The following NFATC1 variants were observed in gnomAD, a reference collection of about 807,000 sequenced individuals.
NFATC1 encodes the protein nuclear factor of activated T cells 1.
In NFATC1, 22 loss-of-function variants were observed where a neutral mutation model predicts 76.0. The observed-to-expected ratio is 0.29, with a 90% CI of 0.21 to 0.41. The LOEUF (loss-of-function observed/expected upper bound fraction) is 0.41. NFATC1 is among the 10% of genes least tolerant of loss of function. NFATC1 has a pLI of 1.00. For synonymous variants in NFATC1, 704 were observed against 613.1 expected, an observed-to-expected ratio of 1.15 and a Z score of -2.19; for missense variants, 1,357 against 1,337.7, an observed-to-expected ratio of 1.01 and a Z score of -0.23.
intron 2 of NFATC1, among the ~76,000 whole-genome samples, chr18:79,413,799 G>C (rs2085781737): frequency 6.6e-6 from 1 of 152,156 alleles, no homozygotes; most frequent in South Asian, 2.1e-4. Context: ...TGTCCACCTT[G>C]GACCTGTGTT....
intron 6 of NFATC1, among the ~76,000 whole-genome samples, chr18:79,456,611 T>G (rs2087740892): frequency 6.6e-6 from 1 of 151,116 alleles, no homozygotes; most frequent in African/African-American, 2.5e-5. Context: ...AGGGCCCCTG[T>G]AAGGCAGACT....
At position 79,486,492 on chromosome 18, in the gene NFATC1, C is replaced by G; in HGVS notation, c.2337C>G (p.Gly779=). 1 of 1,606,122 alleles carries G rather than the reference C, an allele frequency of 6.2e-7. No homozygotes were observed. The highest frequency in any genetic ancestry group is 8.5e-7 in the Non-Finnish European group (1 of 1,179,578). Residue 779 remains glycine, a synonymous_variant, in exon 9 of 10, where the codon GGC becomes GGG. Coordinates refer to ENST00000427363, the MANE Select transcript of NFATC1 (RefSeq NM_001278669.2). ...TTTCTCCCGCTGCCTACACCAAGGG[C>G]GTTGCCAGCCCGGGCCACTGTCACC... ...HDLSPAAYTK[G]VASPGHCHLG...
At position 79,411,127 on chromosome 18, in the gene NFATC1, G is replaced by A. The variant is rs745762409; in HGVS notation, c.852G>A (p.Thr284=). The A allele has an allele frequency of 5.6e-6, 9 of 1,612,206 alleles. No homozygotes were observed. The highest frequency in any genetic ancestry group is 4.5e-5 in the East Asian group (2 of 44,842). Residue 284 remains threonine (T), a synonymous_variant, in exon 2 of 10, where the codon ACG becomes ACA. Transcript: ENST00000427363. ...QPPYSPHHSP[T]PSPHGSPRVS... The stretch of plus-strand genomic sequence containing the variant: ...CCTACTCACCCCACCACTCGCCCAC[G>A]CCGTCCCCGCACGGCTCCCCGCGGG...
intron 8 of NFATC1, among the ~76,000 whole-genome samples, chr18:79,478,798 G>A (rs760438980): frequency 1.3e-5 from 2 of 152,172 alleles, no homozygotes; most frequent in African/African-American, 4.8e-5. Context: ...CACTGCTACC[G>A]AGGCAGAGAC....
At chr18:79,450,856 G>C (rs757810741) in intron 4 of NFATC1, 98 bp from the exon 5 acceptor site, 41 of 1,460,184 alleles carry the variant, frequency 2.8e-5, no homozygotes, top group Middle Eastern at 4.0e-4. Context: ...GCACGAGCTC[G>C]TGGGGCTGGG....
At chr18:79,427,536 T>TGGCG (rs2086408073) in intron 2 of NFATC1, among the ~76,000 whole-genome samples, 1 of 5,960 alleles carries the variant, frequency 1.7e-4, no homozygotes, top group Non-Finnish European at 2.9e-4. Flanking sequence ...GTGCAGTGGG[T>TGGCG]GGGGGGAGCT....
chr18:79,444,010 G>A (rs1003183995), intron 3 of NFATC1, among the ~76,000 whole-genome samples: 1 of 152,242 alleles, frequency 6.6e-6, no homozygotes, highest in African/African-American at 2.4e-5. Context: ...CCCTTGGAGG[G>A]TTGAGGGAGT....
intron 3 of NFATC1, among the ~76,000 whole-genome samples, chr18:79,445,268 C>T (rs1416628564): frequency 2.6e-5 from 4 of 152,226 alleles, no homozygotes; most frequent in Non-Finnish European, 5.9e-5. Context: ...AGGTGGGCCT[C>T]GTTCCTGCAG....
chr18:79,522,158 T>TGG (rs1472351183), intron 9 of NFATC1, among the ~76,000 whole-genome samples: 3 of 27,776 alleles, frequency 1.1e-4, no homozygotes, highest in African/African-American at 4.6e-4. Context: ...TGTCTGTGTG[T>TGG]GTGTGGGGGG....
At chr18:79,517,551 C>T (rs2090414369) in intron 9 of NFATC1, among the ~76,000 whole-genome samples, 5 of 152,200 alleles carry the variant, frequency 3.3e-5, no homozygotes, top group Non-Finnish European at 7.3e-5. Context: ...GCAATAGGAA[C>T]ATGCCCCCGT....
chr18:79,433,941 C>T (rs1345110076), intron 3 of NFATC1, among the ~76,000 whole-genome samples: 2 of 152,254 alleles, frequency 1.3e-5, no homozygotes, highest in Middle Eastern at 3.2e-3. Context: ...CGTGCAGGCC[C>T]TCTCTCGTTG....
At chr18:79,432,307 C>T (rs2086617830) in intron 2 of NFATC1, among the ~76,000 whole-genome samples, 1 of 152,276 alleles carries the variant, frequency 6.6e-6, no homozygotes, top group Non-Finnish European at 1.5e-5. Flanking sequence ...CCCCGGCCCA[C>T]GGTGCTCGGG....
chr18:79,400,062 G>A (rs1409176981), intron 1 of NFATC1, among the ~76,000 whole-genome samples: 1 of 151,358 alleles, frequency 6.6e-6, no homozygotes, highest in East Asian at 2.0e-4. Flanking sequence ...CTACCCCCGG[G>A]TCCGGAGGAG....
chr18:79,455,274 C>T (rs1411056644), intron 6 of NFATC1, among the ~76,000 whole-genome samples: 3 of 152,212 alleles, frequency 2.0e-5, no homozygotes, highest in Non-Finnish European at 2.9e-5. Context: ...CTCCGTTTGC[C>T]AGCGATCGCG....
At chr18:79,430,888 G>A (rs778510013) in intron 2 of NFATC1, among the ~76,000 whole-genome samples, 1 of 152,216 alleles carries the variant, frequency 6.6e-6, no homozygotes, top group Admixed American at 6.5e-5. Flanking sequence ...ACAGCTGGCC[G>A]CGAGCTCTGT....
chr18:79,468,177 CA>C (rs61117381), intron 8 of NFATC1: 13,002 of 132,274 alleles, frequency 0.098, 1,648 homozygotes, highest in African/African-American at 0.31. Context: ...TTCACTCATA[CA>C]AAAAAAAAAA....
At chr18:79,436,522 G>A (rs556206734) in intron 3 of NFATC1, among the ~76,000 whole-genome samples, 1 of 150,800 alleles carries the variant, frequency 6.6e-6, no homozygotes, top group East Asian at 2.2e-4. Context: ...CGGTATCCCC[G>A]TCCTCCCGCA....
chr18:79,507,358 G>A (rs752479294), intron 9 of NFATC1, among the ~76,000 whole-genome samples: 12 of 152,262 alleles, frequency 7.9e-5, no homozygotes, highest in Non-Finnish European at 1.5e-4. Context: ...GGGCTGTGCC[G>A]GGGCCGGTGG....
chr18:79,412,395 G>A (rs879432118), intron 2 of NFATC1, among the ~76,000 whole-genome samples: 1 of 151,864 alleles, frequency 6.6e-6, no homozygotes, highest in Non-Finnish European at 1.5e-5. Context: ...TTTGCCACGC[G>A]CAGCCCGGGG....
Sources: allele counts gnomAD v4.1 joint callset (sites outside exome capture counted in the v4.1 genomes callset), GRCh38; gene constraint gnomAD v4.1.1; transcripts MANE v1.5; gene names NCBI Gene and HGNC (gene_info 2026-07-23, HGNC 2026-07-21).